KNTC1: variants seen among roughly 807,000 people sequenced by gnomAD.
KNTC1 encodes the protein kinetochore associated 1, also known as kinetochore-associated protein 1.
In KNTC1, 253 loss-of-function variants were observed where a neutral mutation model predicts 314.4. That is an observed-to-expected ratio of 0.80 (90% CI 0.73 to 0.89). The LOEUF is 0.89. Among genes scored for constraint, KNTC1 ranks in the 40% least tolerant of loss-of-function variants. The probability of loss-of-function intolerance (pLI) is 0.00; values close to 1 mark genes in which losing one functional copy is unlikely to be tolerated. For missense variants in KNTC1, 2,475 were observed against 2,572.9 expected (o/e 0.96, Z 0.82); for synonymous variants, 901 against 901.4 (o/e 1.00, Z 0.01).
chr12:122,591,233 G>T, intron 41 of KNTC1, 104 bp from the exon 42 acceptor site: 1 of 745,296 alleles, frequency 1.3e-6, no homozygotes, highest in Non-Finnish European at 2.4e-6. Context: ...ATTCTACACG[G>T]TTGATCACAA....
At chr12:122,531,111 G>A (rs1323766495) in intron 2 of KNTC1, among the ~76,000 whole-genome samples, 1 of 151,768 alleles carries the variant, frequency 6.6e-6, no homozygotes, top group African/African-American at 2.4e-5. Flanking sequence ...ATAAGGCAGG[G>A]CATCCACTGT....
rs117543414 is a variant in KNTC1, at chr12:122,603,108, C to T, written c.4966C>T (p.Gln1656Ter). ...KLKPKLLKLT[Q>*]AKSSTLINKE... ...GAAGCCAAAGCTCCTGAAGTTAACA[C>T]AAGCTAAATCCTCAACACTGATTAA... The change falls in exon 48 of 64, where the codon CAA (glutamine) becomes TAA (stop). Residue 1656 changes from glutamine to a stop codon, truncating the protein, a stop_gained. Coordinates refer to ENST00000333479, the MANE Select transcript of KNTC1 (RefSeq NM_014708.6). LOFTEE classifies it high-confidence loss of function. 6.2e-7 allele frequency: 1 copy of T among 1,613,828 alleles called. No individual in the cohort carries two copies. The highest frequency in any genetic ancestry group is 8.5e-7 in the Non-Finnish European group (1 of 1,179,832).
chr12:122,590,517 C>T, intron 40 of KNTC1, 90 bp from the exon 41 acceptor site: 57 of 1,228,686 alleles, frequency 4.6e-5, no homozygotes, highest in East Asian at 2.1e-4. Flanking sequence ...AAAATTATTC[C>T]TCTTTATTTG....
At chr12:122,547,270 G>C (rs968916047) in intron 10 of KNTC1, 145 bp from the exon 11 acceptor site, 2 of 540,838 alleles carry the variant, frequency 3.7e-6, no homozygotes, top group Admixed American at 6.4e-5. Flanking sequence ...AGCTACTCAG[G>C]AATCTGAGGC....
intron 48 of KNTC1, among the ~76,000 whole-genome samples, chr12:122,603,640 G>A (rs944854243): frequency 1.2e-4 from 18 of 151,944 alleles, no homozygotes; most frequent in Non-Finnish European, 1.6e-4. Flanking sequence ...CTACAGGTGC[G>A]CGCCATCATG....
chr12:122,622,949 A>C (rs547459691), intron 62 of KNTC1, among the ~76,000 whole-genome samples: 69 of 130,710 alleles, frequency 5.3e-4, no homozygotes, highest in African/African-American at 1.8e-3. Flanking sequence ...ACTCTGTCTC[A>C]AAAAAAAAAA....
chr12:122,590,937 TAC>T (rs1870104874), intron 41 of KNTC1, among the ~76,000 whole-genome samples: 2 of 152,056 alleles, frequency 1.3e-5, no homozygotes, highest in Admixed American at 6.6e-5. Flanking sequence ...CCCAAAGAAT[TAC>T]AGTTTTTTAA....
intron 22 of KNTC1, 35 bp from the exon 23 acceptor site, chr12:122,570,841 C>A: frequency 1.5e-6 from 2 of 1,301,402 alleles, no homozygotes; most frequent in Non-Finnish European, 2.2e-6. Flanking sequence ...AGTGATTATC[C>A]ATTAAGAATT....
At chr12:122,561,364 T>G (rs2137842763) in intron 18 of KNTC1, among the ~76,000 whole-genome samples, 1 of 152,084 alleles carries the variant, frequency 6.6e-6, no homozygotes, top group South Asian at 2.1e-4. Context: ...TCTTTTTCTG[T>G]CATAGACCTT....
At position 122,590,707 on chromosome 12, in the gene KNTC1, A is replaced by G. The variant is rs1565993721; in HGVS notation, c.4100A>G (p.Lys1367Arg). 1 of 1,613,298 alleles carries G rather than the reference A, an allele frequency of 6.2e-7. No homozygotes were observed. Among genetic ancestry groups the G allele is most frequent in the Non-Finnish European group, 8.5e-7 (1 of 1,179,502 alleles). Residue 1367 changes from lysine to arginine, a missense_variant, in exon 41 of 64, where the codon AAA becomes AGA. Coordinates refer to ENST00000333479, the MANE Select transcript of KNTC1 (RefSeq NM_014708.6). ...VFENLWKLID[K>R]AWQNYDKILA... ...GAAAATCTCTGGAAGCTCATAGATAAAGCATGGCAGAATTACGACAAAATC... is the reference window on the plus strand; with the variant it reads ...GAAAATCTCTGGAAGCTCATAGATAGAGCATGGCAGAATTACGACAAAATC...
At chr12:122,572,166 C>T (rs1361021496) in intron 24 of KNTC1, among the ~76,000 whole-genome samples, 1 of 152,074 alleles carries the variant, frequency 6.6e-6, no homozygotes, top group Admixed American at 6.6e-5. Flanking sequence ...CCGAGATGGG[C>T]AGATCATTTG....
chr12:122,545,134 C>G (rs1415687973), intron 8 of KNTC1, among the ~76,000 whole-genome samples: 1 of 152,168 alleles, frequency 6.6e-6, no homozygotes, highest in Non-Finnish European at 1.5e-5. Flanking sequence ...TAACCCTGAT[C>G]ATAATTTCTT....
intron 44 of KNTC1, among the ~76,000 whole-genome samples, chr12:122,601,117 C>G (rs1192749811): frequency 6.6e-6 from 1 of 152,032 alleles, no homozygotes; most frequent in Non-Finnish European, 1.5e-5. Flanking sequence ...GAGTCTCGCT[C>G]TGTCACCCAG....
At chr12:122,588,653 A>T (rs1189897565) in intron 39 of KNTC1, 59 bp from the exon 40 acceptor site, 1 of 1,220,522 alleles carries the variant, frequency 8.2e-7, no homozygotes, top group Non-Finnish European at 1.1e-6. Context: ...ATATTTGAAA[A>T]AATTTTCAGA....
intron 34 of KNTC1, 28 bp downstream of exon 34, chr12:122,583,013 A>G (rs1868651588): frequency 1.3e-6 from 2 of 1,575,056 alleles, no homozygotes; most frequent in Non-Finnish European, 8.6e-7. Flanking sequence ...TGAATTGCAT[A>G]GCTTCTCTGA....
intron 18 of KNTC1, 69 bp from the exon 19 acceptor site, chr12:122,561,851 AG>A: frequency 7.5e-7 from 1 of 1,339,984 alleles, no homozygotes; most frequent in South Asian, 1.4e-5. Context: ...GTTATTTCAC[AG>A]AAAATCCATC....
At chr12:122,540,031 G>A (rs1962168352) in intron 5 of KNTC1, among the ~76,000 whole-genome samples, 1 of 151,770 alleles carries the variant, frequency 6.6e-6, no homozygotes, top group African/African-American at 2.4e-5. Flanking sequence ...TGATCCACCT[G>A]CCTCGGCCTC....
intron 19 of KNTC1, among the ~76,000 whole-genome samples, 183 bp downstream of exon 19, chr12:122,562,157 T>C (rs1445592263): frequency 1.3e-5 from 2 of 152,208 alleles, no homozygotes; most frequent in Non-Finnish European, 2.9e-5. Flanking sequence ...TCAAAGGAAA[T>C]AATTCATATA....
rs980487416 is a variant in KNTC1 at position 122,590,507 on chromosome 12, A to G, written c.4000-100A>G. 9.9e-6 allele frequency: 12 copies of G among 1,209,796 alleles called. No homozygotes were observed. The Admixed American group carries it at 1.3e-4, about 13-fold the overall frequency. 74.9% of individuals were successfully genotyped at this position (1,209,796 alleles called of 1,614,324 possible). Reference sequence around the variant, plus strand: ...AAAAAGTTTTTTTTAAGTATAAATTAAAATTATTCCTCTTTATTTGTATTT... The same window carrying G: ...AAAAAGTTTTTTTTAAGTATAAATTGAAATTATTCCTCTTTATTTGTATTT... On this transcript the variant is annotated intron_variant, in intron 40 of 63. Transcript: ENST00000333479.
Sources: allele counts gnomAD v4.1 joint callset (sites outside exome capture counted in the v4.1 genomes callset), GRCh38; gene constraint gnomAD v4.1.1; transcripts MANE v1.5; gene names NCBI Gene and HGNC (gene_info 2026-07-23, HGNC 2026-07-21).